Variants in TCP1 observed in about 807,000 individuals in gnomAD.
TCP1 encodes t-complex 1.
Under a neutral mutation model 54.7 loss-of-function variants are expected in TCP1, and 6 were observed. That is an observed-to-expected ratio of 0.11 (90% confidence interval 0.06 to 0.22). TCP1 has a LOEUF of 0.22. Among genes scored for constraint, TCP1 ranks in the 10% least tolerant of loss-of-function variants. The pLI, the probability that TCP1 is intolerant of heterozygous loss-of-function variation, is 1.00. For synonymous variants in TCP1, 225 were observed against 229.7 expected (o/e 0.98, Z 0.19); for missense variants, 511 against 678.2 (o/e 0.75, Z 2.74).
intron 6 of TCP1, 49 bp from the exon 7 acceptor site, chr6:159,784,116 A>C: frequency 3.8e-6 from 6 of 1,581,062 alleles, no homozygotes; most frequent in Non-Finnish European, 5.1e-6. Context: ...TTAAAAGCAT[A>C]ATAAAGAGTA....
At chr6:159,785,586 GT>G in intron 4 of TCP1, 90 bp from the exon 5 acceptor site, 1 of 1,049,318 alleles carries the variant, frequency 9.5e-7, no homozygotes, top group Non-Finnish European at 1.5e-6. Context: ...CCAAAATGTC[GT>G]AAGTAATAAT....
At chr6:159,782,699 C>T (rs900374167) in intron 7 of TCP1, among the ~76,000 whole-genome samples, 3 of 152,140 alleles carry the variant, frequency 2.0e-5, no homozygotes, top group African/African-American at 7.2e-5. Context: ...GCTTGAAAAG[C>T]ATTCTACTAG....
chr6:159,779,392 C>A lies in TCP1; in HGVS notation c.1455-131G>T, dbSNP rs964805647. 14 of 995,934 alleles carry A rather than the reference C, an allele frequency of 1.4e-5. No individual in the cohort carries two copies. In the African/African-American group the frequency reaches 1.8e-4, roughly 13 times the overall value. The allele number at this position is 995,934 out of a possible 1,614,324, so 61.7% of individuals were successfully genotyped here. On this transcript the variant is annotated intron_variant, in intron 11 of 11. Transcript: ENST00000321394. ...AGAGATCTTGTAGGTAGTCTTTCTA[C>A]CAAAAGAAGCAGGGAGAGATTAGCA...
Position 159,787,952 on chromosome 6 carries a change from T to C in TCP1, c.151-81A>G, listed in dbSNP as rs778153257. ...TTATAATACACGTTCACCTTTAATA[T>C]CACCTTCCAGTACGTGGATTCTGAT... On this transcript the variant is annotated intron_variant, in intron 2 of 11. Coordinates refer to ENST00000321394, the MANE Select transcript of TCP1 (RefSeq NM_030752.3). The C allele has an allele frequency of 2.9e-5, 47 of 1,605,912 alleles. No homozygotes were observed. The African/African-American group carries it at 6.0e-4, about 21-fold the overall frequency.
At chr6:159,785,719 T>C (rs750877836) in intron 4 of TCP1, 181 bp downstream of exon 4, 3 of 780,438 alleles carry the variant, frequency 3.8e-6, no homozygotes, top group African/African-American at 1.7e-5. Context: ...GAAAATGTGG[T>C]AGTCAAATGA....
At chr6:159,780,302 C>T in intron 9 of TCP1, 141 bp downstream of exon 9, 1 of 1,361,006 alleles carries the variant, frequency 7.3e-7, no homozygotes, top group East Asian at 2.3e-5. Flanking sequence ...TCTCAATTTA[C>T]AGTGGCCCAA....
chr6:159,784,926 G>T lies in TCP1; in HGVS notation c.489-79C>A. On this transcript the variant is annotated intron_variant, in intron 5 of 11. Transcript: ENST00000321394. ...CGTGAAAAATCAAGGGTAATTTCAAGGGACTTCCTTTTAGTAATCTAATCT... is the reference window on the plus strand; with the variant it reads ...CGTGAAAAATCAAGGGTAATTTCAATGGACTTCCTTTTAGTAATCTAATCT... The T allele has an allele frequency of 2.8e-6, 4 of 1,406,792 alleles. No individual in the cohort carries two copies. The East Asian group carries it at 6.8e-5, about 24-fold the overall frequency. The allele number at this position is 1,406,792 out of a possible 1,614,324, so 87.1% of individuals were successfully genotyped here. A position where few individuals can be genotyped will look rare whatever the true frequency, so the allele number is the denominator to read the frequency against.
intron 7 of TCP1, among the ~76,000 whole-genome samples, chr6:159,782,085 G>C (rs910304505): frequency 5.3e-5 from 8 of 152,156 alleles, no homozygotes; most frequent in Admixed American, 4.6e-4. Context: ...AGTTTTGGGG[G>C]CAGGATGGGA....
chr6:159,788,783 A>G (rs1216641861), intron 1 of TCP1: 2 of 153,424 alleles, frequency 1.3e-5, no homozygotes, highest in African/African-American at 4.8e-5. Flanking sequence ...ATCAAGAAAC[A>G]GTAAGCTCTG....
intron 8 of TCP1, 80 bp from the exon 9 acceptor site, chr6:159,780,646 T>C (rs193236209): frequency 2.6e-6 from 4 of 1,514,594 alleles, no homozygotes; most frequent in Admixed American, 2.2e-5. Context: ...GCATTTGTGG[T>C]AAAAGTGCTA....
At chr6:159,783,912 A>G (rs1022402797) in intron 7 of TCP1, 29 bp downstream of exon 7, 2 of 1,558,584 alleles carry the variant, frequency 1.3e-6, no homozygotes, top group Non-Finnish European at 1.7e-6. Context: ...ACTCACACTT[A>G]AAAGGCCAAA....
intron 6 of TCP1, among the ~76,000 whole-genome samples, chr6:159,784,299 CAT>C (rs1373116763): frequency 6.7e-6 from 1 of 149,696 alleles, no homozygotes; most frequent in African/African-American, 2.5e-5. Flanking sequence ...CACAAAAAAA[CAT>C]TTTTTATTTT....
In TCP1 at chr6:159,778,740, A is replaced by G. The variant is rs1240374740; in HGVS notation, c.*305T>C. Reference sequence around the variant, plus strand: ...TCGAATTCTTGTGACCCTGTTACACACACTGGAGAGAATGGGCAGAAGTCG... The same window carrying G: ...TCGAATTCTTGTGACCCTGTTACACGCACTGGAGAGAATGGGCAGAAGTCG... On this transcript the variant is annotated 3_prime_UTR_variant, in exon 12 of 12. Coordinates refer to ENST00000321394, the MANE Select transcript of TCP1 (RefSeq NM_030752.3). The G allele has an allele frequency of 2.5e-6, 4 of 1,614,240 alleles. No individual in the cohort carries two copies. Among genetic ancestry groups the G allele is most frequent in the Non-Finnish European group, 3.4e-6 (4 of 1,180,042 alleles).
intron 1 of TCP1, 177 bp downstream of exon 1, chr6:159,789,228 A>C: frequency 7.9e-6 from 5 of 636,578 alleles, no homozygotes; most frequent in East Asian, 3.0e-5. Context: ...CGCTGTGGGA[A>C]AAGTGGGGCC....
chr6:159,784,984 T>C, intron 5 of TCP1, 137 bp from the exon 6 acceptor site: 1 of 799,616 alleles, frequency 1.3e-6, no homozygotes, highest in Non-Finnish European at 2.1e-6. Flanking sequence ...GTCACCAAAA[T>C]GTTACAACAT....
Position 159,780,077 on chromosome 6 carries a change from G to C in TCP1, c.1108C>G (p.Arg370Gly). ...ELILIKNTKA[R>G]TSASIILRGA... Reference sequence around the variant, plus strand: ...CGTAAGATAATCGATGCAGACGTACGAGCCTTAGTACTGTTCAAAACAAAA... The same window carrying C: ...CGTAAGATAATCGATGCAGACGTACCAGCCTTAGTACTGTTCAAAACAAAA... The change falls in exon 10 of 12, where the codon CGT (arginine) becomes GGT (glycine). Residue 370 changes from arginine to glycine, a missense_variant. Transcript: ENST00000321394. 2.5e-6 allele frequency: 4 copies of C among 1,614,034 alleles called. No homozygotes were observed. Among genetic ancestry groups the C allele is most frequent in the African/African-American group, 1.3e-5 (1 of 75,020 alleles).
rs1247392107 is a variant in TCP1, at chr6:159,784,856, A to G, written c.489-9T>C. 6.2e-7 allele frequency: 1 copy of G among 1,614,216 alleles called. No homozygotes were observed. The highest frequency in any genetic ancestry group is 2.2e-5 in the East Asian group (1 of 44,878). ...CAAAGAAATCACCATTTCTACGCCA[A>G]AAGTTAAGGACAGTAACAGGTTTGG... is the stretch of plus-strand genomic sequence containing the variant. On this transcript the variant is annotated splice_polypyrimidine_tract_variant and intron_variant, in intron 5 of 11. Coordinates refer to ENST00000321394, the MANE Select transcript of TCP1 (RefSeq NM_030752.3).
At chr6:159,785,825 TAATC>T (rs967432720) in intron 4 of TCP1, 71 bp downstream of exon 4, 18 of 1,137,240 alleles carry the variant, frequency 1.6e-5, no homozygotes, top group South Asian at 3.9e-5. Flanking sequence ...ATTTAGTTAT[TAATC>T]AAAACGTTAA....
chr6:159,784,197 T>C (rs991210501), intron 6 of TCP1, 130 bp from the exon 7 acceptor site: 52 of 1,112,542 alleles, frequency 4.7e-5, no homozygotes, highest in Non-Finnish European at 5.9e-5. Flanking sequence ...AAAAATTTTA[T>C]GGCATTAAAT....
Sources: gnomAD v4.1 joint callset for allele counts (sites outside exome capture counted in the v4.1 genomes callset) on GRCh38, gnomAD v4.1.1 for gene constraint, MANE v1.5 for transcripts, NCBI Gene and HGNC (gene_info 2026-07-23, HGNC 2026-07-21) for gene names.